Variants in AVEN observed in about 807,000 individuals in gnomAD.
The protein encoded by AVEN is apoptosis and caspase activation inhibitor, also known as cell death regulator Aven.
AVEN carries 41 observed loss-of-function variants against 38.1 expected under a neutral mutation model. The observed-to-expected ratio is 1.08, with a 90% CI of 0.84 to 1.40. The LOEUF (loss-of-function observed/expected upper bound fraction) is 1.40. Ranked by LOEUF, AVEN falls within the 40% of genes most tolerant of loss-of-function variation. AVEN has a pLI of 0.00. For missense variants in AVEN, 605 were observed against 438.8 expected (o/e 1.38, Z -3.38); for synonymous variants, 206 against 171.8 (o/e 1.20, Z -1.56).
intron 5 of AVEN, among the ~76,000 whole-genome samples, chr15:34,053,332 A>G (rs1900013637): frequency 7.1e-6 from 1 of 140,114 alleles, no homozygotes; most frequent in East Asian, 2.0e-4. Context: ...ATATATATAT[A>G]TATATATATA....
At chr15:33,897,683 G>C (rs1002658560) in intron 2 of AVEN, among the ~76,000 whole-genome samples, 1 of 151,834 alleles carries the variant, frequency 6.6e-6, no homozygotes, top group Non-Finnish European at 1.5e-5. Flanking sequence ...TTCAAGACCA[G>C]TCTGGGCAAC....
rs768040535 is a variant in AVEN at position 34,063,292 on chromosome 15, C to T, written n.1267G>A. ...CAGATCCAGTTTCTCTCTGAGCCCA[C>T]CATCACTTTTGGCACTGCCATTGCT... On this transcript the variant is annotated non_coding_transcript_exon_variant, in exon 5 of 12. Coordinates refer to the AVEN transcript ENST00000675287. The surrounding 1 kb of genome is among the most constrained non-coding windows in gnomAD (Gnocchi z 4.1). 32 of 1,614,066 alleles carry T rather than the reference C, an allele frequency of 2.0e-5. No individual in the cohort carries two copies. Among genetic ancestry groups the T allele is most frequent in the Non-Finnish European group, 2.5e-5 (30 of 1,180,058 alleles).
chr15:34,019,026 C>A (rs756316054), intron 1 of AVEN, among the ~76,000 whole-genome samples: 1 of 151,320 alleles, frequency 6.6e-6, no homozygotes, highest in African/African-American at 2.4e-5. Context: ...AGACACAGAG[C>A]GCTGATTGGT....
chr15:33,948,329 T>A (rs1894587007), intron 2 of AVEN, among the ~76,000 whole-genome samples: 1 of 151,760 alleles, frequency 6.6e-6, no homozygotes, highest in Non-Finnish European at 1.5e-5. Flanking sequence ...ACTCCTGACC[T>A]TGTGATCCAC....
intron 2 of AVEN, among the ~76,000 whole-genome samples, chr15:33,906,395 T>C (rs765080903): frequency 6.6e-6 from 1 of 152,214 alleles, no homozygotes; most frequent in Non-Finnish European, 1.5e-5. Flanking sequence ...CCACTGTACA[T>C]AGATGCCACA....
At chr15:33,925,967 AG>A (rs2153049145) in intron 2 of AVEN, among the ~76,000 whole-genome samples, 1 of 152,310 alleles carries the variant, frequency 6.6e-6, no homozygotes, top group South Asian at 2.1e-4. Flanking sequence ...CCGCAAATGA[AG>A]GTATTGGGCG....
At chr15:33,955,254 T>C (rs1894912151) in intron 2 of AVEN, among the ~76,000 whole-genome samples, 1 of 152,190 alleles carries the variant, frequency 6.6e-6, no homozygotes, top group Non-Finnish European at 1.5e-5. Context: ...TATTTGGGCA[T>C]AGGGTTGAAT....
At chr15:33,992,658 C>A (rs956247797) in intron 2 of AVEN, among the ~76,000 whole-genome samples, 2 of 9,176 alleles carry the variant, frequency 2.2e-4, no homozygotes, top group Non-Finnish European at 5.0e-4. Flanking sequence ...ATATACCATA[C>A]AAGAAGAGGG....
intron 2 of AVEN, among the ~76,000 whole-genome samples, chr15:33,935,904 C>T (rs1894042283): frequency 1.3e-5 from 2 of 151,986 alleles, no homozygotes; most frequent in Admixed American, 1.3e-4. Context: ...TAAAGTTACC[C>T]TCAGTTACAT....
rs151253761 is a variant in AVEN at position 34,002,454 on chromosome 15, T to C, written c.445+578A>G. 5.3e-4 allele frequency among the ~76,000 whole-genome samples: 81 copies of C among 152,268 alleles called. 1 individual carries two copies. The East Asian group carries it at 0.015, about 29-fold the overall frequency. ...GCACTCCTCCATTCTTCCCTGTTAC[T>C]GCTCTCCAGCATCACATCACTCAAG... On this transcript the variant is annotated intron_variant, in intron 2 of 5. Transcript: ENST00000306730.
chr15:33,937,465 G>A lies in AVEN; in HGVS notation c.446-61470C>T, dbSNP rs58400131. On this transcript the variant is annotated intron_variant, in intron 2 of 5. Transcript: ENST00000306730. ...GGAGAACGGCATGAACCTGGGAGGC[G>A]GAGCTTGCAGTGAGCCGAGATCACG... is the stretch of plus-strand genomic sequence containing the variant. 5.9e-3 allele frequency among the ~76,000 whole-genome samples: 889 copies of A among 151,610 alleles called. 13 individuals carry two copies. Among genetic ancestry groups the A allele is most frequent in the African/African-American group, 0.02 (810 of 41,302 alleles).
chr15:33,878,124 A>G (rs1305572425), intron 2 of AVEN, among the ~76,000 whole-genome samples: 1 of 152,220 alleles, frequency 6.6e-6, no homozygotes, highest in Non-Finnish European at 1.5e-5. Flanking sequence ...CAAGATACCA[A>G]TTTCACCTAA....
chr15:33,880,321 C>A (rs921871999), intron 2 of AVEN, among the ~76,000 whole-genome samples: 1 of 152,072 alleles, frequency 6.6e-6, no homozygotes, highest in Non-Finnish European at 1.5e-5. Context: ...TGCTTATCCC[C>A]CTAAGGCATT....
downstream of AVEN, chr15:33,857,982 GGAA>G (rs2079879788): frequency 1.9e-6 from 3 of 1,595,770 alleles, no homozygotes; most frequent in Admixed American, 1.7e-5. Context: ...CACCTCACTG[GGAA>G]GAAGGGCTGT....
intron 2 of AVEN, among the ~76,000 whole-genome samples, chr15:33,884,407 T>C (rs955796645): frequency 1.3e-5 from 2 of 152,190 alleles, no homozygotes; most frequent in Admixed American, 6.5e-5. Context: ...CTTTTAAAAA[T>C]AGTCTGTCTT....
chr15:34,065,439 C>T (rs554141807), intron 4 of AVEN: 1 of 152,272 alleles, frequency 6.6e-6, no homozygotes, highest in East Asian at 1.9e-4. Flanking sequence ...TGTGCTGCCT[C>T]CAAGCAGGGG....
At chr15:33,973,020 T>C (rs77167299) in intron 2 of AVEN, among the ~76,000 whole-genome samples, 2,789 of 152,334 alleles carry the variant, frequency 0.018, 48 homozygotes, top group South Asian at 0.064. Flanking sequence ...TACTGGTTCA[T>C]TACAACCAAT....
intron 2 of AVEN, chr15:33,991,093 T>A (rs375024504): frequency 6.6e-6 from 1 of 152,218 alleles, no homozygotes; most frequent in East Asian, 1.9e-4. Context: ...AATTATTTTA[T>A]GTCTAATCTT....
rs36006399 is a variant in AVEN, at chr15:33,905,826, GAAAAA to G, written c.446-29836_446-29832del. Among the ~76,000 whole-genome samples the G allele has an allele frequency of 6.4e-4, 91 of 143,180 alleles. 1 individual carries two copies. The highest frequency in any genetic ancestry group is 1.1e-3 in the South Asian group (5 of 4,498). 93.9% of individuals were successfully genotyped at this position (143,180 alleles called of 152,430 possible). On this transcript the variant is annotated intron_variant, in intron 2 of 5. Transcript: ENST00000306730. The stretch of plus-strand genomic sequence containing the variant: ...CAAATTGAGACCTTGTTTCGGGAAA[GAAAAA>G]AAAAAAAAAAAAGGTAAAATTCACT...
Sources: gnomAD v4.1 joint callset for allele counts (sites outside exome capture counted in the v4.1 genomes callset) on GRCh38, gnomAD v4.1.1 for gene constraint, Gnocchi (gnomAD v3.1) non-coding constraint, MANE v1.5 for transcripts, NCBI Gene and HGNC (gene_info 2026-07-23, HGNC 2026-07-21) for gene names.